The following IFT80 variants were observed in gnomAD, a reference collection of about 807,000 sequenced individuals.
IFT80 encodes the protein intraflagellar transport 80, also known as intraflagellar transport protein 80 homolog.
IFT80 carries 79 observed loss-of-function variants against 107.9 expected under a neutral mutation model. The observed-to-expected ratio is 0.73, with a 90% CI of 0.61 to 0.88. The LOEUF is 0.88. Among genes scored for constraint, IFT80 ranks in the 40% least tolerant of loss-of-function variants. The probability of loss-of-function intolerance (pLI) is 0.00; values close to 1 mark genes in which losing one functional copy is unlikely to be tolerated. For missense variants in IFT80, 797 were observed against 914.2 expected, an observed-to-expected ratio of 0.87 and a Z score of 1.65; for synonymous variants, 299 against 300.9, an observed-to-expected ratio of 0.99 and a Z score of 0.07.
intron 16 of IFT80, among the ~76,000 whole-genome samples, chr3:160,278,447 A>G (rs1714436664): frequency 6.6e-6 from 1 of 152,242 alleles, no homozygotes; most frequent in Non-Finnish European, 1.5e-5. Flanking sequence ...TATGTAAATC[A>G]GACACGGCCT....
chr3:160,321,647 A>G (rs1718227233), intron 8 of IFT80, among the ~76,000 whole-genome samples: 2 of 151,906 alleles, frequency 1.3e-5, no homozygotes, highest in Admixed American at 1.3e-4. Flanking sequence ...AATGTCTAAT[A>G]ATACAATAGA....
intron 15 of IFT80, among the ~76,000 whole-genome samples, chr3:160,279,931 A>G (rs552088472): frequency 5.9e-5 from 9 of 152,310 alleles, no homozygotes; most frequent in Middle Eastern, 3.4e-3. Flanking sequence ...CTAAAAATAA[A>G]TAAGTAAAAA....
intron 12 of IFT80, among the ~76,000 whole-genome samples, chr3:160,300,381 T>G (rs1716331377): frequency 6.6e-6 from 1 of 152,076 alleles, no homozygotes; most frequent in African/African-American, 2.4e-5. Context: ...ATACTTATAT[T>G]TATTTATAAC....
chr3:160,346,780 T>C (rs542503140), intron 8 of IFT80, among the ~76,000 whole-genome samples: 1 of 152,222 alleles, frequency 6.6e-6, no homozygotes, highest in Non-Finnish European at 1.5e-5. Flanking sequence ...CAATTGGCTC[T>C]GACCTAGGCA....
chr3:160,347,157 C>T (rs925535652), intron 8 of IFT80, among the ~76,000 whole-genome samples: 1 of 152,186 alleles, frequency 6.6e-6, no homozygotes, highest in Admixed American at 6.5e-5. Context: ...CCAATACACA[C>T]ACACCAGCAA....
At chr3:160,279,488 C>A (rs1156529434) in intron 15 of IFT80, 124 bp from the exon 16 acceptor site, 2 of 754,472 alleles carry the variant, frequency 2.7e-6, no homozygotes, top group Non-Finnish European at 4.6e-6. Flanking sequence ...AAAGGCACAC[C>A]CCCAAAGGTT....
chr3:160,353,276 G>A (rs1233305108), intron 8 of IFT80, among the ~76,000 whole-genome samples: 2 of 152,160 alleles, frequency 1.3e-5, no homozygotes, highest in African/African-American at 4.8e-5. Flanking sequence ...TTTTTCAGCT[G>A]TTCAAAGAAA....
intron 9 of IFT80, among the ~76,000 whole-genome samples, chr3:160,318,832 C>A (rs572081396): frequency 8.9e-4 from 135 of 152,162 alleles, no homozygotes; most frequent in African/African-American, 3.1e-3. Flanking sequence ...TACTCTTCTT[C>A]CCTAATACAG....
chr3:160,398,409 A>G (rs1235398338), intron 1 of IFT80, among the ~76,000 whole-genome samples: 1 of 152,236 alleles, frequency 6.6e-6, no homozygotes, highest in Non-Finnish European at 1.5e-5. Flanking sequence ...AAGAAAAAAA[A>G]AGGAGGCTAG....
At chr3:160,363,165 CA>C (rs756553804) in intron 6 of IFT80, among the ~76,000 whole-genome samples, 33 of 152,290 alleles carry the variant, frequency 2.2e-4, no homozygotes, top group Middle Eastern at 6.8e-3. Context: ...CCAACTTCAG[CA>C]AAGTCTCAGG....
chr3:160,365,983 G>A, intron 6 of IFT80, 60 bp downstream of exon 6: 1 of 1,239,574 alleles, frequency 8.1e-7, no homozygotes, highest in Non-Finnish European at 1.2e-6. Flanking sequence ...CTAAGCAAGT[G>A]CCCTCTAGTT....
In IFT80 at chr3:160,316,925, C is replaced by T. The variant is rs192104597; in HGVS notation, c.957+2835G>A. ...GTTGAGGAAGAGAAAGAGATGAAGT[C>T]CTCTTGGCATTATTTAAGCCTCTGA... On this transcript the variant is annotated intron_variant, in intron 9 of 19. Coordinates refer to ENST00000326448, the MANE Select transcript of IFT80 (RefSeq NM_020800.3). 2.3e-3 allele frequency among the ~76,000 whole-genome samples: 351 copies of T among 152,238 alleles called. 3 individuals carry two copies. Among genetic ancestry groups the T allele is most frequent in the African/African-American group, 7.8e-3 (324 of 41,538 alleles).
At chr3:160,274,339 T>G (rs187759326) in intron 18 of IFT80, among the ~76,000 whole-genome samples, 1 of 152,258 alleles carries the variant, frequency 6.6e-6, no homozygotes, top group Admixed American at 6.5e-5. Flanking sequence ...TTCATTTGGG[T>G]CAAGGAGGTA....
intron 13 of IFT80, among the ~76,000 whole-genome samples, chr3:160,284,066 ATT>A (rs896627054): frequency 6.6e-6 from 1 of 152,072 alleles, no homozygotes; most frequent in Non-Finnish European, 1.5e-5. Flanking sequence ...AGATTGGGTG[ATT>A]TTTCTATTAT....
intron 6 of IFT80, among the ~76,000 whole-genome samples, chr3:160,361,189 C>T (rs996479297): frequency 6.6e-6 from 1 of 152,088 alleles, no homozygotes; most frequent in Non-Finnish European, 1.5e-5. Context: ...GAAGATCTAC[C>T]AGGCAAATGG....
chr3:160,312,932 TA>T (rs1354307831), intron 9 of IFT80, among the ~76,000 whole-genome samples: 2 of 43,492 alleles, frequency 4.6e-5, no homozygotes, highest in African/African-American at 2.0e-4. Context: ...TATAAATATA[TA>T]ATATATAATA....
chr3:160,383,126 T>C (rs182491378), intron 2 of IFT80, among the ~76,000 whole-genome samples: 35 of 152,350 alleles, frequency 2.3e-4, no homozygotes, highest in African/African-American at 8.2e-4. Flanking sequence ...CTTATCCTTA[T>C]ATAAATTGCT....
chr3:160,302,926 A>C (rs1052804341), intron 11 of IFT80, among the ~76,000 whole-genome samples: 2 of 152,168 alleles, frequency 1.3e-5, no homozygotes, highest in African/African-American at 2.4e-5. Context: ...GTTGGTGCAC[A>C]GAATCATTAT....
intron 11 of IFT80, among the ~76,000 whole-genome samples, chr3:160,302,824 A>G (rs1467968761): frequency 6.6e-6 from 1 of 152,180 alleles, no homozygotes; most frequent in Non-Finnish European, 1.5e-5. Flanking sequence ...AAAATTTGAT[A>G]TAACATTTTC....
Sources: allele counts gnomAD v4.1 joint callset (sites outside exome capture counted in the v4.1 genomes callset), GRCh38; gene constraint gnomAD v4.1.1; transcripts MANE v1.5; gene names NCBI Gene and HGNC (gene_info 2026-07-23, HGNC 2026-07-21).